Variants in ASTN2 observed in about 807,000 individuals in gnomAD.
ASTN2 encodes the protein astrotactin-2.
A neutral mutation model predicts 139.8 loss-of-function variants in ASTN2; 54 were observed. That is an observed-to-expected ratio of 0.39 (90% confidence interval 0.31 to 0.48). The LOEUF is 0.48. ASTN2 is among the 20% of genes least tolerant of loss of function. ASTN2 has a pLI of 0.95. For missense variants in ASTN2, 1,565 were observed against 1,725.1 expected (o/e 0.91, Z 1.64); for synonymous variants, 756 against 719.5 (o/e 1.05, Z -0.81).
intron 13 of ASTN2, among the ~76,000 whole-genome samples, chr9:116,792,343 C>A (rs1286701627): frequency 6.6e-6 from 1 of 152,140 alleles, no homozygotes; most frequent in Non-Finnish European, 1.5e-5. Context: ...TCTCGCTACT[C>A]TTCCAGGAGT....
chr9:117,120,049 T>TATATAC (rs1433485798), intron 4 of ASTN2, among the ~76,000 whole-genome samples: 23 of 129,356 alleles, frequency 1.8e-4, no homozygotes, highest in African/African-American at 6.9e-4. Context: ...TATATATATA[T>TATATAC]ACCCTGAGTA....
chr9:116,717,585 C>T (rs767098807), intron 16 of ASTN2, among the ~76,000 whole-genome samples: 1 of 152,118 alleles, frequency 6.6e-6, no homozygotes, highest in Non-Finnish European at 1.5e-5. Flanking sequence ...CAACTCTCAC[C>T]ACCATGCTGG....
chr9:116,651,612 C>T lies in ASTN2; in HGVS notation c.2988G>A (p.Glu996=), dbSNP rs1857919603. ...GCAGCACTGGTGTGGGGCTCAGCTG[C>T]TCCTTGCCTGGCCGGCGGCAAAGGT... is the stretch of plus-strand genomic sequence containing the variant. ...TCHLCRRPGK[E]QLSPTPVLLE... Residue 996 remains glutamate, a synonymous_variant, in exon 17 of 23, where the codon GAG becomes GAA. Transcript: ENST00000313400. 6.2e-7 allele frequency: 1 copy of T among 1,614,068 alleles called. No individual in the cohort carries two copies. Among genetic ancestry groups the T allele is most frequent in the Non-Finnish European group, 8.5e-7 (1 of 1,180,038 alleles).
chr9:117,358,021 G>A (rs984524054), intron 1 of ASTN2, among the ~76,000 whole-genome samples: 2 of 152,092 alleles, frequency 1.3e-5, no homozygotes, highest in South Asian at 2.1e-4. Flanking sequence ...TAAAGTTGAA[G>A]TTTCTTTTAA....
At chr9:117,312,393 T>G (rs1263285027) in intron 1 of ASTN2, among the ~76,000 whole-genome samples, 1 of 152,172 alleles carries the variant, frequency 6.6e-6, no homozygotes, top group Non-Finnish European at 1.5e-5. Context: ...GAAAGCAGGC[T>G]TCAGGCTCAA....
At chr9:116,585,036 G>A (rs1370585231) in intron 19 of ASTN2, 1 of 152,230 alleles carries the variant, frequency 6.6e-6, no homozygotes, top group Admixed American at 6.5e-5. Context: ...AAGCCTTTGT[G>A]GAAGAAGCAA....
At chr9:116,956,977 ATAT>A in intron 10 of ASTN2, among the ~76,000 whole-genome samples, 1 of 152,102 alleles carries the variant, frequency 6.6e-6, no homozygotes, top group Non-Finnish European at 1.5e-5. Flanking sequence ...GAAAGATTTA[ATAT>A]TGTTAACATG....
At chr9:116,693,237 A>G (rs927385667) in intron 16 of ASTN2, among the ~76,000 whole-genome samples, 2 of 152,166 alleles carry the variant, frequency 1.3e-5, no homozygotes, top group East Asian at 1.9e-4. Flanking sequence ...TACTCTTTTT[A>G]TAAACTAAGA....
intron 10 of ASTN2, among the ~76,000 whole-genome samples, chr9:116,959,708 T>C (rs2132500847): frequency 6.6e-6 from 1 of 152,218 alleles, no homozygotes; most frequent in East Asian, 1.9e-4. Context: ...GGGTCTTTTC[T>C]GTAAACCTTC....
chr9:116,972,639 C>T (rs1836242960), intron 10 of ASTN2, among the ~76,000 whole-genome samples: 1 of 152,230 alleles, frequency 6.6e-6, no homozygotes, highest in Non-Finnish European at 1.5e-5. Context: ...GTTCCATATC[C>T]TTCCTAACAT....
chr9:117,164,553 G>GC (rs1830626425), intron 3 of ASTN2, among the ~76,000 whole-genome samples: 1 of 152,032 alleles, frequency 6.6e-6, no homozygotes, highest in Admixed American at 6.6e-5. Context: ...TTAAACCCCT[G>GC]CCCCCCAATC....
intron 10 of ASTN2, among the ~76,000 whole-genome samples, chr9:116,932,975 C>T (rs1268312319): frequency 6.9e-6 from 1 of 145,008 alleles, no homozygotes; most frequent in Non-Finnish European, 1.5e-5. Flanking sequence ...CACTGCACTC[C>T]AGCCTGGGTG....
intron 17 of ASTN2, among the ~76,000 whole-genome samples, chr9:116,642,188 T>C (rs1196958394): frequency 6.8e-6 from 1 of 146,144 alleles, no homozygotes; most frequent in Non-Finnish European, 1.5e-5. Flanking sequence ...GGAAACTCCA[T>C]TTTAAACAAA....
At chr9:117,274,909 G>T (rs1315454742) in intron 2 of ASTN2, among the ~76,000 whole-genome samples, 1 of 152,194 alleles carries the variant, frequency 6.6e-6, no homozygotes, top group Non-Finnish European at 1.5e-5. Flanking sequence ...ATACAGTCAC[G>T]TTAGGGGTTG....
At chr9:117,101,035 GAA>G (rs369339324) in intron 4 of ASTN2, among the ~76,000 whole-genome samples, 2 of 152,174 alleles carry the variant, frequency 1.3e-5, no homozygotes, top group South Asian at 4.1e-4. Context: ...TTATTATTGG[GAA>G]AAGAGTATGC....
At chr9:116,826,625 A>G (rs555406735) in intron 11 of ASTN2, among the ~76,000 whole-genome samples, 1 of 152,074 alleles carries the variant, frequency 6.6e-6, no homozygotes, top group Non-Finnish European at 1.5e-5. Flanking sequence ...CATCAGCCAC[A>G]CTACACTAGC....
intron 20 of ASTN2, among the ~76,000 whole-genome samples, chr9:116,478,127 AAAGGAAGGGAGGGAGGGATACAGG>A (rs1849048992): frequency 7.1e-6 from 1 of 140,604 alleles, no homozygotes; most frequent in Non-Finnish European, 1.5e-5. Flanking sequence ...AGGGAGGGAG[AAAGGAAGGGAGGGAGGGATACAGG>A]AAGGAAGGGA....
At chr9:116,731,297 T>C (rs116526317) in intron 14 of ASTN2, among the ~76,000 whole-genome samples, 2,454 of 152,008 alleles carry the variant, frequency 0.016, 70 homozygotes, top group African/African-American at 0.056. Context: ...CAAAGAATCA[T>C]AACAATTTGA....
In ASTN2 at chr9:116,735,294, G is replaced by C. The variant is rs576186204; in HGVS notation, c.2397-1771C>G. 5.9e-5 allele frequency among the ~76,000 whole-genome samples: 9 copies of C among 152,280 alleles called. No individual in the cohort carries two copies. The East Asian group carries it at 1.7e-3, about 29-fold the overall frequency. ...ATAATGGGTTCTACCTAGATGGTTGGTCTTTGTCTACAAATCTGGGAGTGT... is the reference window on the plus strand; with the variant it reads ...ATAATGGGTTCTACCTAGATGGTTGCTCTTTGTCTACAAATCTGGGAGTGT... On this transcript the variant is annotated intron_variant, in intron 13 of 22. Coordinates refer to ENST00000313400, the MANE Select transcript of ASTN2 (RefSeq NM_001365068.1).
Sources: allele counts gnomAD v4.1 joint callset (sites outside exome capture counted in the v4.1 genomes callset), GRCh38; gene constraint gnomAD v4.1.1; transcripts MANE v1.5; gene names NCBI Gene and HGNC (gene_info 2026-07-23, HGNC 2026-07-21).